The following NIPBL variants were observed in gnomAD, a reference collection of about 807,000 sequenced individuals.
NIPBL encodes the protein NIPBL cohesin loading factor.
Under a neutral mutation model 321.8 loss-of-function variants are expected in NIPBL, and 19 were observed. The observed-to-expected ratio is 0.06, with a 90% CI of 0.04 to 0.09. NIPBL has a LOEUF of 0.09. Ranked by LOEUF, NIPBL falls within the 10% of genes least tolerant of loss-of-function variation. The probability of loss-of-function intolerance (pLI) is 1.00; values close to 1 mark genes in which losing one functional copy is unlikely to be tolerated. For missense variants in NIPBL, 2,210 were observed against 3,327.0 expected, an observed-to-expected ratio of 0.66 and a Z score of 8.26; for synonymous variants, 1,106 against 1,114.1, an observed-to-expected ratio of 0.99 and a Z score of 0.14.
chr5:36,893,922 C>T (rs958368724), intron 1 of NIPBL, among the ~76,000 whole-genome samples: 1 of 152,100 alleles, frequency 6.6e-6, no homozygotes, highest in Non-Finnish European at 1.5e-5. Flanking sequence ...TACAGCCTAC[C>T]AGCAGTACTT....
chr5:37,011,569 A>AG (rs1276525649), intron 21 of NIPBL, among the ~76,000 whole-genome samples: 24 of 152,024 alleles, frequency 1.6e-4, no homozygotes, highest in African/African-American at 5.3e-4. Context: ...TGAATGAATG[A>AG]AAGAAAGAAA....
At position 37,058,991 on chromosome 5, in the gene NIPBL, G is replaced by C; in HGVS notation, c.7511G>C (p.Arg2504Pro). Residue 2504 changes from arginine to proline, a missense_variant, in exon 44 of 47, where the codon CGG becomes CCG. Transcript: ENST00000282516. ...EEEVSRPRKS[R>P]KRVDSDSDSD... The stretch of plus-strand genomic sequence containing the variant: ...GAAGTTTCCAGGCCTCGGAAGTCAC[G>C]GAAACGTGTAGATTCAGATTCAGAT... 6.2e-7 allele frequency: 1 copy of C among 1,614,148 alleles called. No homozygotes were observed. Among genetic ancestry groups the C allele is most frequent in the South Asian group, 1.1e-5 (1 of 91,084 alleles).
Position 36,877,112 on chromosome 5 carries a change from C to G in NIPBL, c.-146C>G, listed in dbSNP as rs1338756223. ...GAGCCGTAGCCACCCCCCCTCCCGG[C>G]CCGGATTATAGTCTCTCGCCACAGC... On this transcript the variant is annotated 5_prime_UTR_variant, in exon 1 of 47. Coordinates refer to ENST00000282516, the MANE Select transcript of NIPBL (RefSeq NM_133433.4). 1 of 347,546 alleles carries G rather than the reference C, an allele frequency of 2.9e-6. No individual in the cohort carries two copies. Among genetic ancestry groups the G allele is most frequent in the African/African-American group, 2.1e-5 (1 of 46,656 alleles). 21.5% of individuals were successfully genotyped at this position (347,546 alleles called of 1,614,324 possible).
rs765446922 is a variant in NIPBL at position 37,022,092 on chromosome 5, A to G, written c.5370A>G (p.Thr1790=). The G allele has an allele frequency of 1.2e-6, 2 of 1,614,212 alleles. No homozygotes were observed. ...VLGENAIAVR[T]KAMKCLSEVV... is the part of the protein sequence containing the mutation. ...GTGAAAATGCAATTGCTGTTCGAACAAAAGCCATGAAGTGTTTGTCTGAGG... is the reference window on the plus strand; with the variant it reads ...GTGAAAATGCAATTGCTGTTCGAACGAAAGCCATGAAGTGTTTGTCTGAGG... Residue 1790 remains threonine (T), a synonymous_variant, in exon 28 of 47, where the codon ACA becomes ACG. Coordinates refer to ENST00000282516, the MANE Select transcript of NIPBL (RefSeq NM_133433.4).
chr5:37,052,088 G>A (rs1376860026), intron 41 of NIPBL, among the ~76,000 whole-genome samples: 2 of 152,036 alleles, frequency 1.3e-5, no homozygotes, highest in African/African-American at 2.4e-5. Context: ...ACAGTACCAA[G>A]CACACCAGAC....
intron 32 of NIPBL, among the ~76,000 whole-genome samples, chr5:37,033,900 A>T (rs1311454182): frequency 2.0e-5 from 3 of 151,186 alleles, no homozygotes; most frequent in Non-Finnish European, 2.9e-5. Flanking sequence ...GTAGGAAAGG[A>T]TGCCTTAAAC....
intron 31 of NIPBL, among the ~76,000 whole-genome samples, chr5:37,026,709 C>T (rs1212547589): frequency 6.6e-6 from 1 of 152,050 alleles, no homozygotes; most frequent in East Asian, 1.9e-4. Flanking sequence ...TTTTATTATG[C>T]ATAAGCTATA....
intron 1 of NIPBL, among the ~76,000 whole-genome samples, chr5:36,948,259 C>T (rs1352290693): frequency 6.6e-6 from 1 of 151,826 alleles, no homozygotes. Context: ...TAATTGGATG[C>T]CTCATGAAGG....
rs938844855 is a variant in NIPBL at position 36,996,618 on chromosome 5, G to C, written c.3304+814G>C. On this transcript the variant is annotated intron_variant, in intron 11 of 46. Transcript: ENST00000282516. This position sits in a 1 kb window ranked among gnomAD's most constrained non-coding sequence, Gnocchi z 5.0. ...CCCTATCTTCCTTCTTCTGGAGCAAGAGAATTGAGCCTAGCCAAGAGGGGT... is the reference window on the plus strand; with the variant it reads ...CCCTATCTTCCTTCTTCTGGAGCAACAGAATTGAGCCTAGCCAAGAGGGGT... 2.3e-6 allele frequency: 1 copy of C among 432,476 alleles called. No individual in the cohort carries two copies. Among genetic ancestry groups the C allele is most frequent in the Non-Finnish European group, 4.7e-6 (1 of 214,348 alleles). The allele number at this position is 432,476 out of a possible 1,614,324, so 26.8% of individuals were successfully genotyped here. A position where few individuals can be genotyped will look rare whatever the true frequency, so the allele number is the denominator to read the frequency against.
intron 16 of NIPBL, among the ~76,000 whole-genome samples, chr5:37,005,487 G>A (rs768616906): frequency 6.6e-6 from 1 of 152,084 alleles, no homozygotes; most frequent in East Asian, 1.9e-4. Context: ...TAGCCTTAAC[G>A]TTTGGCATGA....
chr5:36,965,455 G>C (rs2149611903), intron 6 of NIPBL, among the ~76,000 whole-genome samples: 1 of 152,212 alleles, frequency 6.6e-6, no homozygotes, highest in Non-Finnish European at 1.5e-5. Context: ...CTCATATGTG[G>C]CAATTAAAGT....
At chr5:36,993,834 A>G (rs1745827383) in intron 10 of NIPBL, among the ~76,000 whole-genome samples, 1 of 152,130 alleles carries the variant, frequency 6.6e-6, no homozygotes, top group Non-Finnish European at 1.5e-5. Context: ...CAACTCAGGA[A>G]CTATCCAGGA....
chr5:36,888,935 A>C (rs781608837), intron 1 of NIPBL, among the ~76,000 whole-genome samples: 1 of 152,140 alleles, frequency 6.6e-6, no homozygotes, highest in Non-Finnish European at 1.5e-5. Flanking sequence ...TCTAGTGCCA[A>C]GTACCATATT....
chr5:37,064,381 C>T (rs1755164526), intron 46 of NIPBL, 146 bp from the exon 47 acceptor site: 1 of 1,519,218 alleles, frequency 6.6e-7, no homozygotes, highest in Non-Finnish European at 8.8e-7. Context: ...CGCTGGCGGT[C>T]ACGGTGCGTC....
intron 11 of NIPBL, among the ~76,000 whole-genome samples, chr5:36,997,512 T>C (rs912190789): frequency 4.6e-5 from 7 of 152,192 alleles, no homozygotes; most frequent in African/African-American, 1.7e-4. Context: ...TCTCATCTTA[T>C]GGAGGCACAT....
intron 12 of NIPBL, 110 bp downstream of exon 12, chr5:37,000,680 A>G (rs1033807791): frequency 7.5e-7 from 1 of 1,338,190 alleles, no homozygotes; most frequent in Non-Finnish European, 1.1e-6. Flanking sequence ...ATTTTCAATT[A>G]AGACAAAAAT....
rs60219552 is a variant in NIPBL, at chr5:36,914,725, A to G, written c.-80+37547A>G. ...CTCAACCTGAATCACTTTCAGTGAC[A>G]AACAGTGGCTTTCCTCTTATATATT... On this transcript the variant is annotated intron_variant, in intron 1 of 46. Transcript: ENST00000282516. 8.4e-3 allele frequency among the ~76,000 whole-genome samples: 1,287 copies of G among 152,352 alleles called. 19 individuals carry two copies. The highest frequency in any genetic ancestry group is 0.028 in the African/African-American group (1,179 of 41,588).
chr5:36,916,237 G>A (rs960317825), intron 1 of NIPBL, among the ~76,000 whole-genome samples: 2 of 152,148 alleles, frequency 1.3e-5, no homozygotes, highest in Non-Finnish European at 2.9e-5. Context: ...GTTTGAGTTT[G>A]TTTTTCTTAT....
intron 46 of NIPBL, chr5:37,064,267 C>T (rs1755145860): frequency 2.9e-6 from 4 of 1,369,172 alleles, no homozygotes; most frequent in Non-Finnish European, 2.8e-6. Context: ...TTTTATGTAG[C>T]TATATGGTTC....
Sources: gnomAD v4.1 joint callset for allele counts (sites outside exome capture counted in the v4.1 genomes callset) on GRCh38, gnomAD v4.1.1 for gene constraint, Gnocchi (gnomAD v3.1) non-coding constraint, MANE v1.5 for transcripts, NCBI Gene and HGNC (gene_info 2026-07-23, HGNC 2026-07-21) for gene names.